Variants in RIMS2 observed in about 807,000 individuals in gnomAD.
The protein encoded by RIMS2 is regulating synaptic membrane exocytosis 2.
In RIMS2, 59 loss-of-function variants were observed where a neutral mutation model predicts 174.4. That is an observed-to-expected ratio of 0.34 (90% CI 0.27 to 0.42). RIMS2 has a LOEUF of 0.42. Ranked by LOEUF, RIMS2 falls within the 10% of genes least tolerant of loss-of-function variation. The pLI, the probability that RIMS2 is intolerant of heterozygous loss-of-function variation, is 1.00. For synonymous variants in RIMS2, 606 were observed against 572.5 expected, an observed-to-expected ratio of 1.06 and a Z score of -0.84; for missense variants, 1,620 against 1,666.3, an observed-to-expected ratio of 0.97 and a Z score of 0.48.
At chr8:104,057,463 A>G (rs1272892715) in intron 19 of RIMS2, among the ~76,000 whole-genome samples, 4 of 152,132 alleles carry the variant, frequency 2.6e-5, no homozygotes, top group Non-Finnish European at 5.9e-5. Flanking sequence ...GAATTTAGAG[A>G]TCAAAAACAA....
intron 19 of RIMS2, among the ~76,000 whole-genome samples, chr8:104,189,672 T>C (rs184070559): frequency 6.7e-6 from 1 of 150,206 alleles, no homozygotes; most frequent in East Asian, 1.9e-4. Context: ...ATATATAGTC[T>C]CTCTATATAT....
rs138601188 is a variant in RIMS2, at chr8:103,667,177, C to T, written c.177-29909C>T. Among the ~76,000 whole-genome samples, 9 of 152,286 alleles carry T rather than the reference C, an allele frequency of 5.9e-5. No homozygotes were observed. In the East Asian group the frequency reaches 9.6e-4, roughly 16 times the overall value. On this transcript the variant is annotated intron_variant, in intron 1 of 23. Transcript: ENST00000504942. The stretch of plus-strand genomic sequence containing the variant: ...CAACCTATTTGTTAATCCCCTACAA[C>T]AGAATCTCTATAATACATAATGTAT...
At chr8:103,585,974 G>T (rs1395191103) in intron 1 of RIMS2, among the ~76,000 whole-genome samples, 4 of 147,164 alleles carry the variant, frequency 2.7e-5, no homozygotes, top group African/African-American at 7.5e-5. Context: ...TCGATCTCAA[G>T]ACTAAAATGA....
intron 2 of RIMS2, among the ~76,000 whole-genome samples, chr8:103,725,039 T>C: frequency 6.6e-6 from 1 of 152,132 alleles, no homozygotes; most frequent in South Asian, 2.1e-4. Context: ...AAAATTGGCC[T>C]GCTTATTAAC....
At chr8:104,136,191 C>G (rs1157649024) in intron 19 of RIMS2, among the ~76,000 whole-genome samples, 1 of 152,028 alleles carries the variant, frequency 6.6e-6, no homozygotes, top group Admixed American at 6.6e-5. Context: ...TTTTGATGAC[C>G]CATTTATTGT....
intron 19 of RIMS2, among the ~76,000 whole-genome samples, chr8:104,087,069 A>G (rs913174242): frequency 6.6e-6 from 1 of 152,128 alleles, no homozygotes; most frequent in African/African-American, 2.4e-5. Context: ...CTGTAACAGC[A>G]CTGCCTATAC....
chr8:104,248,298 A>T (rs1384874546), intron 20 of RIMS2, among the ~76,000 whole-genome samples: 1 of 152,216 alleles, frequency 6.6e-6, no homozygotes, highest in Non-Finnish European at 1.5e-5. Context: ...GATGGGAATG[A>T]TCCAGAAACA....
intron 12 of RIMS2, 37 bp from the exon 15 acceptor site, chr8:103,936,514 T>G: frequency 7.3e-7 from 1 of 1,361,262 alleles, no homozygotes; most frequent in Non-Finnish European, 1.0e-6. Context: ...AACTTATAGT[T>G]CTATGTAAGT....
intron 2 of RIMS2, among the ~76,000 whole-genome samples, chr8:103,764,115 G>T (rs982762818): frequency 1.3e-5 from 2 of 152,212 alleles, no homozygotes; most frequent in Admixed American, 6.5e-5. Context: ...TATTCTTTGA[G>T]AAGCTCTGCT....
At chr8:104,242,199 A>G (rs1407299866) in intron 19 of RIMS2, among the ~76,000 whole-genome samples, 1 of 151,654 alleles carries the variant, frequency 6.6e-6, no homozygotes, top group South Asian at 2.1e-4. Context: ...ATATATGTGC[A>G]GTTTTGGGTT....
chr8:103,837,496 T>G (rs2098906036), intron 3 of RIMS2, among the ~76,000 whole-genome samples: 1 of 152,198 alleles, frequency 6.6e-6, no homozygotes, highest in African/African-American at 2.4e-5. Context: ...TAACACTAGG[T>G]ATATCTCCTA....
At chr8:103,949,412 G>T (rs1467872740) in intron 14 of RIMS2, among the ~76,000 whole-genome samples, 2 of 151,994 alleles carry the variant, frequency 1.3e-5, no homozygotes, top group African/African-American at 4.8e-5. Context: ...AACAAGTATC[G>T]ATAAGTTTAA....
intron 17 of RIMS2, among the ~76,000 whole-genome samples, chr8:104,003,651 T>G (rs1299454289): frequency 6.6e-6 from 1 of 152,124 alleles, no homozygotes; most frequent in Non-Finnish European, 1.5e-5. Context: ...TGACCTCAGG[T>G]GATCCGCCTG....
chr8:103,572,054 T>C (rs2092853371), intron 1 of RIMS2, among the ~76,000 whole-genome samples: 1 of 152,154 alleles, frequency 6.6e-6, no homozygotes, highest in Non-Finnish European at 1.5e-5. Flanking sequence ...GCAGTGAGTG[T>C]TACAGATCTT....
chr8:104,226,465 A>G (rs1159802860), intron 19 of RIMS2, among the ~76,000 whole-genome samples: 2 of 152,202 alleles, frequency 1.3e-5, no homozygotes, highest in African/African-American at 2.4e-5. Flanking sequence ...CCACTCATTC[A>G]TTCATTCAAA....
intron 21 of RIMS2, among the ~76,000 whole-genome samples, chr8:104,249,029 A>G (rs1174336953): frequency 6.6e-6 from 1 of 151,478 alleles, no homozygotes; most frequent in Non-Finnish European, 1.5e-5. Flanking sequence ...CCTTGGCTCA[A>G]GAAATCCTCC....
At chr8:104,024,605 C>G (rs1201073788) in intron 19 of RIMS2, among the ~76,000 whole-genome samples, 3 of 152,208 alleles carry the variant, frequency 2.0e-5, no homozygotes, top group Non-Finnish European at 4.4e-5. Context: ...CAACCAATGT[C>G]TGCTATTTTA....
chr8:103,986,868 C>A (rs543068924), intron 16 of RIMS2, among the ~76,000 whole-genome samples: 3 of 148,976 alleles, frequency 2.0e-5, no homozygotes, highest in Admixed American at 6.7e-5. Flanking sequence ...AGTGAAACTC[C>A]GTCTCAAAAA....
chr8:103,945,886 A>G (rs1342634657), intron 14 of RIMS2, among the ~76,000 whole-genome samples: 1 of 152,182 alleles, frequency 6.6e-6, no homozygotes, highest in African/African-American at 2.4e-5. Context: ...ACCGTATTTC[A>G]TGGTAATAAA....
Sources: gnomAD v4.1 joint callset for allele counts (sites outside exome capture counted in the v4.1 genomes callset) on GRCh38, gnomAD v4.1.1 for gene constraint, MANE v1.5 for transcripts, NCBI Gene and HGNC (gene_info 2026-07-23, HGNC 2026-07-21) for gene names.